The following SLC22A15 variants were observed in gnomAD, a reference collection of about 807,000 sequenced individuals.
SLC22A15 encodes the protein flipt 1.
SLC22A15 carries 45 observed loss-of-function variants against 62.7 expected under a neutral mutation model. That is an observed-to-expected ratio of 0.72 (90% CI 0.56 to 0.92). The LOEUF is 0.92. Among genes scored for constraint, SLC22A15 ranks in the 40% least tolerant of loss-of-function variants. The probability of loss-of-function intolerance (pLI) is 0.00; values close to 1 mark genes in which losing one functional copy is unlikely to be tolerated. For missense variants in SLC22A15, 622 were observed against 665.6 expected, an observed-to-expected ratio of 0.93 and a Z score of 0.72; for synonymous variants, 264 against 267.0, an observed-to-expected ratio of 0.99 and a Z score of 0.11.
At chr1:116,020,917 G>A (rs1656799839) in intron 4 of SLC22A15, 32 bp downstream of exon 4, 2 of 1,546,302 alleles carry the variant, frequency 1.3e-6, no homozygotes, top group East Asian at 2.3e-5. Flanking sequence ...TCTGGACTGG[G>A]TGAGCAGCTC....
At chr1:115,984,522 G>T (rs951935434) in intron 1 of SLC22A15, among the ~76,000 whole-genome samples, 1 of 152,134 alleles carries the variant, frequency 6.6e-6, no homozygotes. Context: ...GCGACACTGG[G>T]CCCATAAGAT....
At chr1:116,055,953 T>C (rs1658196819) in intron 8 of SLC22A15, among the ~76,000 whole-genome samples, 1 of 145,098 alleles carries the variant, frequency 6.9e-6, no homozygotes, top group African/African-American at 2.6e-5. Context: ...AATATCATAC[T>C]GAATGGGCAA....
intron 5 of SLC22A15, among the ~76,000 whole-genome samples, chr1:116,028,714 A>G (rs1472130883): frequency 6.6e-6 from 1 of 152,042 alleles, no homozygotes; most frequent in Non-Finnish European, 1.5e-5. Flanking sequence ...TCCCACAGTC[A>G]GCCTCCATTT....
chr1:115,981,233 T>G (rs1654595137), intron 1 of SLC22A15, among the ~76,000 whole-genome samples: 1 of 152,228 alleles, frequency 6.6e-6, no homozygotes, highest in South Asian at 2.1e-4. Flanking sequence ...AAAGACTAAC[T>G]GTCATCCCCA....
chr1:116,019,916 G>C (rs549847267), intron 3 of SLC22A15, among the ~76,000 whole-genome samples: 39 of 152,288 alleles, frequency 2.6e-4, no homozygotes, highest in African/African-American at 9.1e-4. Flanking sequence ...AGCCCACCTA[G>C]TTAAAGTCAG....
At position 115,978,918 on chromosome 1, in the gene SLC22A15, C is replaced by T. The variant is rs189209644; in HGVS notation, c.87+2204C>T. Among the ~76,000 whole-genome samples the T allele has an allele frequency of 9.9e-5, 15 of 152,190 alleles. No individual in the cohort carries two copies. The East Asian group carries it at 2.9e-3, about 29-fold the overall frequency. On this transcript the variant is annotated intron_variant, in intron 1 of 11. Transcript: ENST00000369503. ...CTGCTTTTAAAATCAAAGGAGTTTT[C>T]GTACCATTGCCCAAGGAAGGGGCAG...
chr1:116,065,543 G>A (rs1457676814), intron 10 of SLC22A15, among the ~76,000 whole-genome samples: 1 of 152,128 alleles, frequency 6.6e-6, no homozygotes, highest in Admixed American at 6.6e-5. Context: ...GGCCCACAGT[G>A]CTGGACATAT....
chr1:115,992,542 T>A (rs1187908741), intron 2 of SLC22A15, among the ~76,000 whole-genome samples: 1 of 152,114 alleles, frequency 6.6e-6, no homozygotes, highest in Non-Finnish European at 1.5e-5. Flanking sequence ...AAAACTTTAA[T>A]CTCTCTTTAT....
chr1:116,022,579 T>A (rs1230894831), intron 4 of SLC22A15, among the ~76,000 whole-genome samples: 2 of 152,190 alleles, frequency 1.3e-5, no homozygotes, highest in Non-Finnish European at 1.5e-5. Flanking sequence ...CCTGCCAGAT[T>A]ATCTAAGTAT....
chr1:116,063,786 A>G, intron 9 of SLC22A15, among the ~76,000 whole-genome samples: 1 of 152,158 alleles, frequency 6.6e-6, no homozygotes, highest in East Asian at 1.9e-4. Context: ...CTGGGATTAC[A>G]GAGTGCTGTA....
intron 8 of SLC22A15, among the ~76,000 whole-genome samples, chr1:116,051,012 C>G (rs1035150953): frequency 2.6e-5 from 4 of 152,068 alleles, no homozygotes; most frequent in African/African-American, 7.2e-5. Flanking sequence ...TATACCTAAC[C>G]AAGGAGTCAA....
intron 2 of SLC22A15, among the ~76,000 whole-genome samples, chr1:115,993,938 G>A (rs942125326): frequency 6.6e-6 from 1 of 152,068 alleles, no homozygotes; most frequent in Non-Finnish European, 1.5e-5. Context: ...CGCTTGCCCT[G>A]GCTTCCACCT....
In SLC22A15 at chr1:116,062,659, T is replaced by C. The variant is rs1277859701; in HGVS notation, c.1172-103T>C. On this transcript the variant is annotated intron_variant, in intron 8 of 11. Transcript: ENST00000369503. ...TTGGTTACACTATCTCTTTGCTCTT[T>C]GAGATCAACATGAATGCCACCTGCT... 4 of 1,350,728 alleles carry C rather than the reference T, an allele frequency of 3.0e-6. No individual in the cohort carries two copies. In the East Asian group the frequency reaches 7.0e-5, roughly 24 times the overall value. 83.7% of individuals were successfully genotyped at this position (1,350,728 alleles called of 1,614,324 possible).
chr1:116,058,635 G>T (rs1213470441), intron 8 of SLC22A15, among the ~76,000 whole-genome samples: 2 of 152,088 alleles, frequency 1.3e-5, no homozygotes, highest in Non-Finnish European at 2.9e-5. Flanking sequence ...CAGAGGAAAA[G>T]AAATCATTAT....
intron 8 of SLC22A15, among the ~76,000 whole-genome samples, chr1:116,045,198 C>T (rs938525572): frequency 1.3e-5 from 2 of 151,948 alleles, no homozygotes; most frequent in Non-Finnish European, 2.9e-5. Flanking sequence ...CGCCCACCAT[C>T]ATGCCCAGCT....
At chr1:116,052,604 C>G (rs1658090092) in intron 8 of SLC22A15, among the ~76,000 whole-genome samples, 1 of 152,250 alleles carries the variant, frequency 6.6e-6, no homozygotes, top group African/African-American at 2.4e-5. Context: ...ACTGCCTCTT[C>G]AAGTGGGTCC....
chr1:115,976,655 G>A lies in SLC22A15; in HGVS notation c.28G>A (p.Val10Met). MEVEEAFQA[V>M]GEMGIYQMYL... ...GGAGGTGGAGGAGGCGTTCCAGGCG[G>A]TGGGGGAGATGGGCATCTACCAGAT... The change falls in exon 1 of 12, where the codon GTG becomes ATG. Residue 10 changes from valine (V) to methionine (M), a missense_variant. Coordinates refer to ENST00000369503, the MANE Select transcript of SLC22A15 (RefSeq NM_018420.3). The A allele has an allele frequency of 1.9e-6, 3 of 1,587,648 alleles. No homozygotes were observed. In the East Asian group the frequency reaches 7.1e-5, roughly 38 times the overall value.
At chr1:116,031,731 C>G (rs1657408965) in intron 6 of SLC22A15, 150 bp downstream of exon 6, 2 of 1,446,296 alleles carry the variant, frequency 1.4e-6, no homozygotes, top group Admixed American at 5.6e-5. Context: ...TGATCCTTAG[C>G]GCCTGGTTTT....
intron 1 of SLC22A15, among the ~76,000 whole-genome samples, chr1:115,991,119 C>T (rs1655122771): frequency 6.6e-6 from 1 of 152,150 alleles, no homozygotes; most frequent in South Asian, 2.1e-4. Context: ...CTGGAGCAGA[C>T]TAATTATGTG....
Sources: gnomAD v4.1 joint callset for allele counts (sites outside exome capture counted in the v4.1 genomes callset) on GRCh38, gnomAD v4.1.1 for gene constraint, MANE v1.5 for transcripts, NCBI Gene and HGNC (gene_info 2026-07-23, HGNC 2026-07-21) for gene names.